ANK3: variants seen among roughly 807,000 people sequenced by gnomAD.
The protein encoded by ANK3 is ankyrin 3, also known as ankyrin-3.
Under a neutral mutation model 370.9 loss-of-function variants are expected in ANK3, and 57 were observed. The ratio of observed to expected loss-of-function variants is 0.15; its 90% CI spans 0.12 to 0.19. The LOEUF is 0.19. ANK3 is among the 10% of genes least tolerant of loss of function. The probability of loss-of-function intolerance (pLI) is 1.00; values close to 1 mark genes in which losing one functional copy is unlikely to be tolerated. For synonymous variants in ANK3, 1,929 were observed against 1,946.3 expected (o/e 0.99, Z 0.23); for missense variants, 4,439 against 5,302.1 (o/e 0.84, Z 5.06).
rs1056304013 is a variant in ANK3, at chr10:60,646,176, G to T, written c.58-30952C>A. ...GGAAATGAAAAAAAAGAAAAAAAAA[G>T]CTATCTGGTTAGAGTACAATGAGTG... On this transcript the variant is annotated intron_variant, in intron 1 of 43. Transcript: ENST00000373827. 3.4e-4 allele frequency among the ~76,000 whole-genome samples: 52 copies of T among 152,062 alleles called. 3 individuals carry two copies.
At chr10:60,167,879 C>A (rs1382408894) in intron 21 of ANK3, among the ~76,000 whole-genome samples, 1 of 152,056 alleles carries the variant, frequency 6.6e-6, no homozygotes, top group East Asian at 1.9e-4. Context: ...GATGTCTTTT[C>A]CAGCATGTAA....
At chr10:60,267,696 T>G (rs2097902369) in intron 5 of ANK3, among the ~76,000 whole-genome samples, 2 of 152,190 alleles carry the variant, frequency 1.3e-5, no homozygotes, top group Admixed American at 6.5e-5. Flanking sequence ...AATTCTAATC[T>G]ATTAGCAGTA....
intron 2 of ANK3, among the ~76,000 whole-genome samples, chr10:60,587,043 T>C (rs10994421): frequency 0.2 from 31,039 of 152,146 alleles, 3,602 homozygotes; most frequent in East Asian, 0.37. Flanking sequence ...CAGTTCTGCA[T>C]GGCTGGGGAG....
rs7910450 is a variant in ANK3 at position 60,279,427 on chromosome 10, C to T, written c.216+111G>A. 11,896 of 838,280 alleles carry T rather than the reference C, an allele frequency of 0.014. 908 individuals carry two copies. In the African/African-American group the frequency reaches 0.17, roughly 12 times the overall value. 51.9% of individuals were successfully genotyped at this position (838,280 alleles called of 1,614,324 possible). On this transcript the variant is annotated intron_variant, in intron 2 of 43. Transcript: ENST00000280772. ...CAGAGAATAATTTGACAATGACAAG[C>T]TGATAAAATTCAATGGAAAAAAACC...
chr10:60,418,226 T>C (rs2063708950), intron 2 of ANK3, among the ~76,000 whole-genome samples: 2 of 152,100 alleles, frequency 1.3e-5, no homozygotes, highest in African/African-American at 4.8e-5. Context: ...TGTGACTATG[T>C]TTTCAAAAGC....
intron 34 of ANK3, 133 bp downstream of exon 34, chr10:60,082,482 T>C (rs2085513338): frequency 8.1e-7 from 1 of 1,238,190 alleles, no homozygotes; most frequent in Admixed American, 2.4e-5. Flanking sequence ...ACTTAGGCAA[T>C]CTACACGAGG....
chr10:60,616,125 C>T (rs2078264749), intron 1 of ANK3, among the ~76,000 whole-genome samples: 1 of 152,136 alleles, frequency 6.6e-6, no homozygotes, highest in South Asian at 2.1e-4. Flanking sequence ...AAAAAGCCCA[C>T]TATCAAGTCA....
In ANK3 at chr10:60,279,682, A is replaced by G. The variant is rs1338572182; in HGVS notation, c.115-43T>C. 3 of 1,452,380 alleles carry G rather than the reference A, an allele frequency of 2.1e-6. No homozygotes were observed. The East Asian group carries it at 6.8e-5, about 33-fold the overall frequency. 90.0% of individuals were successfully genotyped at this position (1,452,380 alleles called of 1,614,324 possible). Reference sequence around the variant, plus strand: ...CACATTTTGATGAAAAATGAAGCTAATATGCATGTTTATAAACTATCCAGC... The same window carrying G: ...CACATTTTGATGAAAAATGAAGCTAGTATGCATGTTTATAAACTATCCAGC... On this transcript the variant is annotated intron_variant, in intron 1 of 43. Transcript: ENST00000280772.
At chr10:60,138,515 A>T (rs564192606) in intron 24 of ANK3, 249 of 402,908 alleles carry the variant, frequency 6.2e-4, no homozygotes, top group Non-Finnish European at 9.3e-4. Flanking sequence ...TAAACAACAT[A>T]ATTTTTTTTC....
Position 60,080,588 on chromosome 10 carries a change from C to T in ANK3, c.4381G>A (p.Ala1461Thr), listed in dbSNP as rs373826882. ...IEKTDRRQSF[A>T]SLALRKRYSY... is the part of the protein sequence containing the mutation. ...TAGCGCTTACGTAAAGCTAAGGATG[C>T]GAAGCTCTGTCGTCTATCTGTTTTC... Residue 1461 changes from alanine to threonine, a missense_variant, in exon 36 of 44, where the codon GCA (alanine) becomes ACA (threonine). Physicochemically the swap from Ala to Thr is moderately conservative, Grantham distance 58 (BLOSUM62 0). This residue lies in a region of ANK3 where 679 missense variants were observed against 791.0 expected (regional missense o/e 0.86). Transcript: ENST00000280772. 11 of 1,605,522 alleles carry T rather than the reference C, an allele frequency of 6.9e-6. No individual in the cohort carries two copies. Among genetic ancestry groups the T allele is most frequent in the East Asian group, 6.7e-5 (3 of 44,670 alleles).
chr10:60,413,328 C>T (rs1307321089), intron 2 of ANK3, among the ~76,000 whole-genome samples: 4 of 152,228 alleles, frequency 2.6e-5, no homozygotes, highest in South Asian at 4.1e-4. Context: ...TGGGCTACCA[C>T]GTTCCTTTAT....
intron 2 of ANK3, among the ~76,000 whole-genome samples, chr10:60,608,008 C>T (rs772178025): frequency 2.0e-5 from 3 of 152,140 alleles, no homozygotes; most frequent in Non-Finnish European, 4.4e-5. Flanking sequence ...TTTCTGTTTT[C>T]CTTTATCCAG....
intron 2 of ANK3, among the ~76,000 whole-genome samples, chr10:60,501,663 C>G (rs973739494): frequency 6.7e-6 from 1 of 149,114 alleles, no homozygotes; most frequent in African/African-American, 2.5e-5. Flanking sequence ...CGAGATTGTG[C>G]CACTGCACTG....
chr10:60,178,178 C>T (rs1465551603), intron 18 of ANK3, among the ~76,000 whole-genome samples: 1 of 152,172 alleles, frequency 6.6e-6, no homozygotes, highest in African/African-American at 2.4e-5. Context: ...AATTTTCTAG[C>T]AACATCTTAA....
At chr10:60,372,649 T>C (rs2060256897) in intron 1 of ANK3, among the ~76,000 whole-genome samples, 1 of 152,174 alleles carries the variant, frequency 6.6e-6, no homozygotes, top group South Asian at 2.1e-4. Context: ...TGACAAAGCA[T>C]AGAGCTGTTG....
At chr10:60,614,428 T>C (rs919392698) in intron 2 of ANK3, among the ~76,000 whole-genome samples, 3 of 152,218 alleles carry the variant, frequency 2.0e-5, no homozygotes, top group African/African-American at 7.2e-5. Flanking sequence ...TCTATTTCTA[T>C]ATGAAGAAAA....
At position 60,070,397 on chromosome 10, in the gene ANK3, T is replaced by C; in HGVS notation, c.10484A>G (p.Asp3495Gly). The C allele has an allele frequency of 6.2e-7, 1 of 1,614,122 alleles. No individual in the cohort carries two copies. Among genetic ancestry groups the C allele is most frequent in the East Asian group, 2.2e-5 (1 of 44,858 alleles). The change falls in exon 37 of 44, where the codon GAT becomes GGT. Residue 3495 changes from aspartate to glycine, a missense_variant. This residue lies in a region of ANK3 where 1,601 missense variants were observed against 1,731.7 expected (regional missense o/e 0.92). Transcript: ENST00000280772. The surrounding 1 kb of genome is among the most constrained non-coding windows in gnomAD (Gnocchi z 5.7). ...GAAGAACTGGGCCCCTGACTTCTGATCAGTCTTATCAGGAGTCTTTTCAGA... is the reference window on the plus strand; with the variant it reads ...GAAGAACTGGGCCCCTGACTTCTGACCAGTCTTATCAGGAGTCTTTTCAGA... ...SSSEKTPDKTDQKSGAQFFTL... is the reference protein window; with the variant it reads ...SSSEKTPDKTGQKSGAQFFTL...
intron 23 of ANK3, among the ~76,000 whole-genome samples, chr10:60,160,086 G>A (rs1437536514): frequency 6.6e-6 from 1 of 151,928 alleles, no homozygotes; most frequent in Non-Finnish European, 1.5e-5. Flanking sequence ...AGGAAAAATT[G>A]AGACTAAAAA....
intron 2 of ANK3, among the ~76,000 whole-genome samples, chr10:60,502,417 C>T (rs144163872): frequency 1.7e-3 from 261 of 152,330 alleles, no homozygotes; most frequent in African/African-American, 5.9e-3. Context: ...CGTGTTCTAA[C>T]AGTGTGGCCC....
Sources: allele counts gnomAD v4.1 joint callset (sites outside exome capture counted in the v4.1 genomes callset), GRCh38; gene constraint gnomAD v4.1.1; regional missense constraint gnomAD v4.1.1; non-coding constraint Gnocchi (gnomAD v3.1); transcripts MANE v1.5; gene names NCBI Gene and HGNC (gene_info 2026-07-23, HGNC 2026-07-21).